Variants in ALK observed in about 807,000 individuals in gnomAD.
ALK encodes the protein ALK tyrosine kinase receptor.
Under a neutral mutation model 163.1 loss-of-function variants are expected in ALK, and 74 were observed. The observed-to-expected ratio is 0.45, with a 90% confidence interval of 0.38 to 0.55. The LOEUF (loss-of-function observed/expected upper bound fraction) is 0.55, where lower values mean the gene tolerates loss of function less well. Ranked by LOEUF, ALK falls within the 20% of genes least tolerant of loss-of-function variation. The pLI, the probability that ALK is intolerant of heterozygous loss-of-function variation, is 0.00. For synonymous variants in ALK, 960 were observed against 843.2 expected (o/e 1.14, Z -2.40); for missense variants, 2,063 against 2,105.3 (o/e 0.98, Z 0.39).
At chr2:29,643,313 T>C (rs562554428) in intron 3 of ALK, among the ~76,000 whole-genome samples, 6 of 152,336 alleles carry the variant, frequency 3.9e-5, no homozygotes, top group Non-Finnish European at 7.3e-5. Context: ...TTACCACATA[T>C]AGTGTGTGGA....
At chr2:29,221,809 CCTT>C (rs1310454903) in intron 22 of ALK, among the ~76,000 whole-genome samples, 20 of 152,166 alleles carry the variant, frequency 1.3e-4, no homozygotes, top group Admixed American at 9.8e-4. Context: ...TCTGCCCCCT[CCTT>C]GAGGGGATCT....
intron 11 of ALK, among the ~76,000 whole-genome samples, chr2:29,274,435 TTGGC>T (rs1215505224): frequency 1.3e-5 from 2 of 152,152 alleles, no homozygotes; most frequent in African/African-American, 2.4e-5. Flanking sequence ...GGAAAATCCC[TTGGC>T]TGGCTGGCAT....
intron 11 of ALK, among the ~76,000 whole-genome samples, chr2:29,271,414 C>T (rs139002409): frequency 6.6e-6 from 1 of 152,366 alleles, no homozygotes; most frequent in African/African-American, 2.4e-5. Flanking sequence ...GACAGCCTGT[C>T]ACCCTCACTT....
intron 26 of ALK, among the ~76,000 whole-genome samples, chr2:29,198,342 C>CCTT (rs148576079): frequency 2.3e-4 from 35 of 151,786 alleles, no homozygotes; most frequent in Non-Finnish European, 5.0e-4. Flanking sequence ...CACATCATCT[C>CCTT]CTTTATTCTT....
intron 4 of ALK, among the ~76,000 whole-genome samples, chr2:29,433,351 G>T (rs931912286): frequency 1.3e-5 from 2 of 152,152 alleles, no homozygotes; most frequent in Non-Finnish European, 2.9e-5. Flanking sequence ...AGACAAGACG[G>T]ATGTTGACCA....
intron 1 of ALK, among the ~76,000 whole-genome samples, chr2:29,904,577 T>A (rs1445305127): frequency 6.6e-6 from 1 of 152,144 alleles, no homozygotes; most frequent in East Asian, 1.9e-4. Flanking sequence ...ATGTCACAGA[T>A]GCTACACTAA....
intron 5 of ALK, among the ~76,000 whole-genome samples, chr2:29,329,513 GT>G (rs1308561886): frequency 6.6e-6 from 1 of 152,178 alleles, no homozygotes; most frequent in Admixed American, 6.5e-5. Flanking sequence ...TCTCTGCCTT[GT>G]TTTCTAGCTC....
intron 2 of ALK, among the ~76,000 whole-genome samples, chr2:29,713,448 A>C (rs1679163563): frequency 6.6e-6 from 1 of 152,166 alleles, no homozygotes; most frequent in African/African-American, 2.4e-5. Context: ...ATGGTTAGAA[A>C]GGGTTGAATT....
intron 3 of ALK, among the ~76,000 whole-genome samples, chr2:29,693,780 C>T (rs1467237677): frequency 6.6e-6 from 1 of 152,160 alleles, no homozygotes; most frequent in Non-Finnish European, 1.5e-5. Context: ...AAGACAGAAG[C>T]ATGATGTGGT....
At chr2:29,277,452 A>C (rs1665577085) in intron 9 of ALK, among the ~76,000 whole-genome samples, 1 of 152,236 alleles carries the variant, frequency 6.6e-6, no homozygotes, top group Admixed American at 6.5e-5. Flanking sequence ...TGCTTAACTG[A>C]ACTACTCCAT....
intron 4 of ALK, among the ~76,000 whole-genome samples, chr2:29,461,236 T>G (rs886873111): frequency 2.6e-5 from 4 of 152,212 alleles, no homozygotes; most frequent in Non-Finnish European, 2.9e-5. Flanking sequence ...AACATAAAAG[T>G]ACAAAGTGAA....
At chr2:29,743,193 C>T (rs555727552) in intron 1 of ALK, among the ~76,000 whole-genome samples, 14 of 152,202 alleles carry the variant, frequency 9.2e-5, no homozygotes, top group Non-Finnish European at 1.9e-4. Context: ...ATTGATAATG[C>T]ATAAGCTAGC....
chr2:29,791,763 T>C (rs1664196358), intron 1 of ALK, among the ~76,000 whole-genome samples: 1 of 152,188 alleles, frequency 6.6e-6, no homozygotes, highest in Non-Finnish European at 1.5e-5. Flanking sequence ...ATTTATTTAT[T>C]GACTTACTTT....
intron 1 of ALK, among the ~76,000 whole-genome samples, chr2:29,802,872 C>A (rs1200420374): frequency 6.7e-6 from 1 of 149,616 alleles, no homozygotes; most frequent in Non-Finnish European, 1.5e-5. Context: ...AGGCCCAAGA[C>A]ATATTTTAGA....
chr2:29,311,438 GC>G (rs1666691753), intron 8 of ALK, among the ~76,000 whole-genome samples: 1 of 152,198 alleles, frequency 6.6e-6, no homozygotes, highest in African/African-American at 2.4e-5. Context: ...ACAGGGTGTA[GC>G]TTCCTGGAGT....
At chr2:29,424,660 A>G (rs1670093666) in intron 4 of ALK, among the ~76,000 whole-genome samples, 3 of 152,190 alleles carry the variant, frequency 2.0e-5, no homozygotes, top group African/African-American at 2.4e-5. Context: ...TGTATATTCA[A>G]TGATAGTTCA....
chr2:29,197,098 G>A (rs189959418), intron 27 of ALK, among the ~76,000 whole-genome samples: 1 of 152,312 alleles, frequency 6.6e-6, no homozygotes, highest in East Asian at 1.9e-4. Flanking sequence ...CCATTCCTGA[G>A]TTAAAGCCAC....
intron 1 of ALK, among the ~76,000 whole-genome samples, chr2:29,800,548 C>T (rs1187990595): frequency 6.6e-6 from 1 of 152,118 alleles, no homozygotes; most frequent in East Asian, 1.9e-4. Context: ...TCCTTACAAC[C>T]CCCTGCAGCT....
chr2:29,752,348 CTTTTTTTTT>C (rs34424748), intron 1 of ALK, among the ~76,000 whole-genome samples: 1 of 120,984 alleles, frequency 8.3e-6, no homozygotes, highest in Non-Finnish European at 1.7e-5. Context: ...ATTTTCTTTT[CTTTTTTTTT>C]TTTTTTTTTT....
Sources: gnomAD v4.1 joint callset for allele counts (sites outside exome capture counted in the v4.1 genomes callset) on GRCh38, gnomAD v4.1.1 for gene constraint, MANE v1.5 for transcripts, NCBI Gene and HGNC (gene_info 2026-07-23, HGNC 2026-07-21) for gene names.